The following SLC16A10 variants were observed in gnomAD, a reference collection of about 807,000 sequenced individuals.
SLC16A10 encodes solute carrier family 16 member 10, also known as monocarboxylate transporter 10.
SLC16A10 carries 27 observed loss-of-function variants against 40.0 expected under a neutral mutation model. That is an observed-to-expected ratio of 0.67 (90% CI 0.50 to 0.93). SLC16A10 has a LOEUF of 0.93. Among genes scored for constraint, SLC16A10 ranks in the 40% least tolerant of loss-of-function variants. The pLI is 0.00. For missense variants in SLC16A10, 529 were observed against 658.2 expected, an observed-to-expected ratio of 0.80 and a Z score of 2.15; for synonymous variants, 213 against 249.8, an observed-to-expected ratio of 0.85 and a Z score of 1.39.
At chr6:111,118,658 C>T (rs1319136080) in intron 1 of SLC16A10, among the ~76,000 whole-genome samples, 1 of 117,404 alleles carries the variant, frequency 8.5e-6, no homozygotes, top group Non-Finnish European at 1.6e-5. Context: ...CCCAGCCTGG[C>T]AACAGAGTGA....
At chr6:111,189,763 A>G (rs1265871459) in intron 3 of SLC16A10, among the ~76,000 whole-genome samples, 1 of 152,150 alleles carries the variant, frequency 6.6e-6, no homozygotes, top group Non-Finnish European at 1.5e-5. Flanking sequence ...TGTCACGAGA[A>G]TAGCACAAGA....
intron 4 of SLC16A10, among the ~76,000 whole-genome samples, chr6:111,208,926 G>A (rs1773297067): frequency 6.6e-6 from 1 of 152,112 alleles, no homozygotes; most frequent in Non-Finnish European, 1.5e-5. Flanking sequence ...AAAAGGCCAG[G>A]CATGGCAGCT....
intron 1 of SLC16A10, among the ~76,000 whole-genome samples, chr6:111,137,311 C>G (rs921270789): frequency 6.6e-6 from 1 of 152,214 alleles, no homozygotes; most frequent in Non-Finnish European, 1.5e-5. Flanking sequence ...ACTTAAAACC[C>G]TTCACTTAGG....
Position 111,208,649 on chromosome 6 carries a change from A to G in SLC16A10, c.1086+1914A>G, listed in dbSNP as rs117007267. Reference sequence around the variant, plus strand: ...AGTGGAGGAGGGGACAAGAGTTGAGATAGTCACAAAAGGCCACATACTGAA... The same window carrying G: ...AGTGGAGGAGGGGACAAGAGTTGAGGTAGTCACAAAAGGCCACATACTGAA... On this transcript the variant is annotated intron_variant, in intron 4 of 5. Transcript: ENST00000368851. 8.3e-3 allele frequency among the ~76,000 whole-genome samples: 1,259 copies of G among 152,180 alleles called. 15 individuals carry two copies. Among genetic ancestry groups the G allele is most frequent in the East Asian group, 0.034 (175 of 5,166 alleles).
intron 3 of SLC16A10, among the ~76,000 whole-genome samples, chr6:111,189,440 GTAT>G: frequency 6.6e-6 from 1 of 152,246 alleles, no homozygotes; most frequent in South Asian, 2.1e-4. Flanking sequence ...TTTAATTGAT[GTAT>G]TATTAAAAAT....
chr6:111,144,716 T>A (rs1772046000), intron 1 of SLC16A10, among the ~76,000 whole-genome samples: 1 of 152,254 alleles, frequency 6.6e-6, no homozygotes, highest in Admixed American at 6.5e-5. Flanking sequence ...ATTCATTATC[T>A]TGATTGCAGT....
chr6:111,167,621 G>A (rs1343622209), intron 1 of SLC16A10, among the ~76,000 whole-genome samples: 2 of 149,478 alleles, frequency 1.3e-5, no homozygotes, highest in Admixed American at 1.3e-4. Flanking sequence ...GGGCTCGATT[G>A]TTATTTATTT....
At chr6:111,155,075 C>T (rs1342718441) in intron 1 of SLC16A10, among the ~76,000 whole-genome samples, 1 of 151,088 alleles carries the variant, frequency 6.6e-6, no homozygotes, top group African/African-American at 2.4e-5. Flanking sequence ...GTCGTTCTAC[C>T]AGGGGCCAGG....
chr6:111,135,282 C>T (rs1163307693), intron 1 of SLC16A10, among the ~76,000 whole-genome samples: 1 of 152,156 alleles, frequency 6.6e-6, no homozygotes, highest in Non-Finnish European at 1.5e-5. Context: ...AGGATTCTGC[C>T]TCCTTTCCCT....
intron 1 of SLC16A10, among the ~76,000 whole-genome samples, chr6:111,155,447 G>A (rs1434958288): frequency 6.6e-6 from 1 of 151,912 alleles, no homozygotes; most frequent in Non-Finnish European, 1.5e-5. Flanking sequence ...CAGCTCTCCA[G>A]TCTTTGCCTC....
At chr6:111,145,000 T>C (rs1323216320) in intron 1 of SLC16A10, among the ~76,000 whole-genome samples, 1 of 152,082 alleles carries the variant, frequency 6.6e-6, no homozygotes, top group Non-Finnish European at 1.5e-5. Context: ...CATATAATTT[T>C]TAAATTAGTT....
At chr6:111,174,823 A>T (rs918794078) in intron 2 of SLC16A10, among the ~76,000 whole-genome samples, 4 of 152,170 alleles carry the variant, frequency 2.6e-5, no homozygotes, top group Non-Finnish European at 5.9e-5. Context: ...AACAAAACAC[A>T]CATACAAAGC....
chr6:111,112,342 G>C (rs1343998434), intron 1 of SLC16A10, among the ~76,000 whole-genome samples: 1 of 152,170 alleles, frequency 6.6e-6, no homozygotes, highest in Non-Finnish European at 1.5e-5. Context: ...GCCAGTATTT[G>C]TATTTTTGAT....
At chr6:111,125,962 G>A (rs1053346313) in intron 1 of SLC16A10, among the ~76,000 whole-genome samples, 1 of 152,112 alleles carries the variant, frequency 6.6e-6, no homozygotes, top group Admixed American at 6.6e-5. Context: ...ACTGATTTCT[G>A]TTGTAAATTC....
rs905639466 is a variant in SLC16A10 at position 111,126,236 on chromosome 6, GT to G, written c.343+38150del. 3.5e-3 allele frequency among the ~76,000 whole-genome samples: 534 copies of G among 151,184 alleles called. 5 individuals carry two copies. The highest frequency in any genetic ancestry group is 0.012 in the African/African-American group (502 of 41,228). ...TGTTCCAGGCTGGATTTTTTCCTTAGTTTTTTTTTCCTTAGTTTTTTACCTT... is the reference window on the plus strand; with the variant it reads ...TGTTCCAGGCTGGATTTTTTCCTTAGTTTTTTTTCCTTAGTTTTTTACCTT... On this transcript the variant is annotated intron_variant, in intron 1 of 5. Coordinates refer to ENST00000368851, the MANE Select transcript of SLC16A10 (RefSeq NM_018593.5).
At chr6:111,128,523 AC>A (rs1771718015) in intron 1 of SLC16A10, among the ~76,000 whole-genome samples, 1 of 152,220 alleles carries the variant, frequency 6.6e-6, no homozygotes, top group African/African-American at 2.4e-5. Context: ...ATCAAGACAC[AC>A]TGGTTGGTTT....
chr6:111,158,094 TATA>T (rs1456925558), intron 1 of SLC16A10, among the ~76,000 whole-genome samples: 6 of 152,236 alleles, frequency 3.9e-5, no homozygotes, highest in African/African-American at 1.4e-4. Flanking sequence ...CTATTAATAA[TATA>T]ATGTGAAGAG....
At chr6:111,151,628 C>G (rs1772174253) in intron 1 of SLC16A10, among the ~76,000 whole-genome samples, 1 of 152,182 alleles carries the variant, frequency 6.6e-6, no homozygotes, top group Non-Finnish European at 1.5e-5. Flanking sequence ...CATGTAATTC[C>G]AGGTTTTAAA....
chr6:111,142,725 G>A (rs1335095376), intron 1 of SLC16A10, among the ~76,000 whole-genome samples: 1 of 152,238 alleles, frequency 6.6e-6, no homozygotes, highest in Admixed American at 6.5e-5. Flanking sequence ...AACACCAAGT[G>A]CTGGTGAGGA....
Sources: allele counts gnomAD v4.1 joint callset (sites outside exome capture counted in the v4.1 genomes callset), GRCh38; gene constraint gnomAD v4.1.1; transcripts MANE v1.5; gene names NCBI Gene and HGNC (gene_info 2026-07-23, HGNC 2026-07-21).